Variants in ATP13A2 observed in about 807,000 individuals in gnomAD.
ATP13A2 encodes the protein ATPase cation transporting 13A2.
In ATP13A2, 83 loss-of-function variants were observed where a neutral mutation model predicts 138.3. The ratio of observed to expected loss-of-function variants is 0.60; its 90% CI spans 0.50 to 0.72. ATP13A2 has a LOEUF of 0.72. Ranked by LOEUF, ATP13A2 falls within the 30% of genes least tolerant of loss-of-function variation. The pLI is 0.00. For missense variants in ATP13A2, 1,402 were observed against 1,606.4 expected, an observed-to-expected ratio of 0.87 and a Z score of 2.17; for synonymous variants, 663 against 699.0, an observed-to-expected ratio of 0.95 and a Z score of 0.81.
chr1:16,996,443 T>C lies in ATP13A2; in HGVS notation c.1249A>G (p.Ile417Val), dbSNP rs1393697936. ...CTGTGTTTATAGAACTTGAAGTTGA[T>C]GGGCCGGGGGTGCAAGATGGAGCTC... ...LVSSILHPRP[I>V]NFKFYKHSMK... The change falls in exon 13 of 29, where the codon ATC becomes GTC. Residue 417 changes from isoleucine to valine, a missense_variant. Ile to Val is a conservative substitution (Grantham distance 29). Coordinates refer to ENST00000326735, the MANE Select transcript of ATP13A2 (RefSeq NM_022089.4). 3.1e-6 allele frequency: 5 copies of C among 1,613,978 alleles called. No individual in the cohort carries two copies. Among genetic ancestry groups the C allele is most frequent in the Non-Finnish European group, 4.2e-6 (5 of 1,180,028 alleles).
In ATP13A2 at chr1:16,996,458, A is replaced by G. The variant is rs2077128030; in HGVS notation, c.1234T>C (p.Leu412=). The G allele has an allele frequency of 1.9e-6, 3 of 1,613,968 alleles. No individual in the cohort carries two copies. Among genetic ancestry groups the G allele is most frequent in the Admixed American group, 1.7e-5 (1 of 59,996 alleles). The change falls in exon 13 of 29, where the codon TTG becomes CTG. Residue 412 remains leucine (L), a synonymous_variant. Transcript: ENST00000326735. The stretch of plus-strand genomic sequence containing the variant: ...TTGAAGTTGATGGGCCGGGGGTGCA[A>G]GATGGAGCTCACCAGGCCCCCTTTT... ...TAKGGLVSSI[L]HPRPINFKFY...
rs970274162 is a variant in ATP13A2, at chr1:16,986,039, G to A, written c.*182C>T. The A allele has an allele frequency of 6.1e-6, 9 of 1,472,480 alleles. No individual in the cohort carries two copies. The highest frequency in any genetic ancestry group is 8.1e-6 in the Non-Finnish European group (9 of 1,109,654). The allele number at this position is 1,472,480 out of a possible 1,614,324, so 91.2% of individuals were successfully genotyped here. On this transcript the variant is annotated 3_prime_UTR_variant, in exon 29 of 29. Coordinates refer to ENST00000326735, the MANE Select transcript of ATP13A2 (RefSeq NM_022089.4). The surrounding 1 kb of genome is among the most constrained non-coding windows in gnomAD (Gnocchi z 6.9). ...GGGGGCTGCCACCCCTACGCGGGAT[G>A]GTCCAAGGTAGGGGACAGTAGTCAA...
Position 16,992,471 on chromosome 1 carries a change from C to A in ATP13A2, c.1845+15G>T, listed in dbSNP as rs750975658. 6.2e-7 allele frequency: 1 copy of A among 1,613,926 alleles called. No homozygotes were observed. The highest frequency in any genetic ancestry group is 2.2e-5 in the East Asian group (1 of 44,882). ...ACCCCTCTGCCCTGCACCCAACAGG[C>A]CCCCCTCAGCTCACCATTGCCTGCA... On this transcript the variant is annotated intron_variant, in intron 17 of 28. Transcript: ENST00000326735.
In ATP13A2 at chr1:17,004,227, G is replaced by T; in HGVS notation, c.557+105C>A. ...CTGCCCAAGGTTTCAGACAGCAAAA[G>T]CATCAGAGCTGAGAGGGGAGCCCAG... On this transcript the variant is annotated intron_variant, in intron 6 of 28. Transcript: ENST00000326735. The surrounding 1 kb of genome is among the most constrained non-coding windows in gnomAD (Gnocchi z 4.1). 8.3e-7 allele frequency: 1 copy of T among 1,209,288 alleles called. No homozygotes were observed. Among genetic ancestry groups the T allele is most frequent in the Non-Finnish European group, 1.2e-6 (1 of 835,668 alleles). 74.9% of individuals were successfully genotyped at this position (1,209,288 alleles called of 1,614,324 possible).
chr1:17,000,200 C>G, intron 10 of ATP13A2, 46 bp downstream of exon 10: 3 of 1,577,270 alleles, frequency 1.9e-6, no homozygotes, highest in Non-Finnish European at 8.6e-7. Flanking sequence ...CCATGCCCCC[C>G]CACCCTCCCA....
In ATP13A2 at chr1:16,986,476, G is replaced by GC; in HGVS notation, c.3391dup (p.Ala1131GlyfsTer130). Reference sequence around the variant, plus strand: ...GGCGGGCCCCACCTCCAGCATGAAGGCCCCCACGAAGTTGAGGGTGACCAG... The same window carrying GC: ...GGCGGGCCCCACCTCCAGCATGAAGGCCCCCCACGAAGTTGAGGGTGACCAG... On this transcript the variant is annotated frameshift_variant, in exon 28 of 29. Transcript: ENST00000326735. LOFTEE classifies it high-confidence loss of function. This position sits in a 1 kb window ranked among gnomAD's most constrained non-coding sequence, Gnocchi z 6.9. The GC allele has an allele frequency of 1.2e-6, 2 of 1,612,198 alleles. No individual in the cohort carries two copies. Among genetic ancestry groups the GC allele is most frequent in the Non-Finnish European group, 8.5e-7 (1 of 1,179,850 alleles).
chr1:16,986,502 AC>A lies in ATP13A2; in HGVS notation c.3365del (p.Gly1122ValfsTer17). 6.2e-7 allele frequency: 1 copy of A among 1,612,468 alleles called. No individual in the cohort carries two copies. The highest frequency in any genetic ancestry group is 8.5e-7 in the Non-Finnish European group (1 of 1,179,846). On this transcript the variant is annotated frameshift_variant, in exon 28 of 29. Coordinates refer to ENST00000326735, the MANE Select transcript of ATP13A2 (RefSeq NM_022089.4). LOFTEE classifies it high-confidence loss of function. This position sits in a 1 kb window ranked among gnomAD's most constrained non-coding sequence, Gnocchi z 6.9. ...TDTGFKLLLL[G>X]LVTLNFVGAF... ...CCCCCACGAAGTTGAGGGTGACCAG[AC>A]CCAGCAGCAGCAGCTTGAAGCCGGT...
chr1:17,002,434 C>G, intron 6 of ATP13A2, 61 bp from the exon 7 acceptor site: 1 of 1,565,514 alleles, frequency 6.4e-7, no homozygotes. Flanking sequence ...CATCCCCCAC[C>G]CTGTGCAGGC....
chr1:17,011,635 G>A lies in ATP13A2; in HGVS notation c.10+94C>T. On this transcript the variant is annotated intron_variant, in intron 1 of 28. Coordinates refer to ENST00000326735, the MANE Select transcript of ATP13A2 (RefSeq NM_022089.4). The surrounding 1 kb of genome is among the most constrained non-coding windows in gnomAD (Gnocchi z 7.3). ...TCCTGGGCTCGCGACCCCGCGGTGG[G>A]GGGCGTCGCCTCCCCTCTCCCTCCA... is the stretch of plus-strand genomic sequence containing the variant. The A allele has an allele frequency of 2.9e-6, 4 of 1,389,070 alleles. No individual in the cohort carries two copies. The South Asian group carries it at 5.9e-5, about 21-fold the overall frequency. The allele number at this position is 1,389,070 out of a possible 1,614,324, so 86.0% of individuals were successfully genotyped here.
intron 20 of ATP13A2, among the ~76,000 whole-genome samples, chr1:16,991,323 C>G (rs2076921263): frequency 1.3e-5 from 2 of 151,530 alleles, no homozygotes. Context: ...GGGTTCAAGA[C>G]ATCCTTCTCC....
At chr1:17,003,031 G>A (rs2077418226) in intron 6 of ATP13A2, among the ~76,000 whole-genome samples, 1 of 152,144 alleles carries the variant, frequency 6.6e-6, no homozygotes, top group Admixed American at 6.5e-5. Flanking sequence ...TAATGGCAGG[G>A]AATTTGATGG....
rs753650041 is a variant in ATP13A2, at chr1:17,005,328, G to T, written c.288+46C>A. ...CCAAGCATCCTCCACCCCCGACCCT[G>T]ACCCTCACTGCGCTTCTCTAGCCCC... On this transcript the variant is annotated intron_variant, in intron 3 of 28. Coordinates refer to ENST00000326735, the MANE Select transcript of ATP13A2 (RefSeq NM_022089.4). 2.6e-6 allele frequency: 4 copies of T among 1,559,312 alleles called. No homozygotes were observed. The East Asian group carries it at 7.1e-5, about 28-fold the overall frequency.
chr1:17,011,687 G>A lies in ATP13A2; in HGVS notation c.10+42C>T, dbSNP rs968884901. 6.7e-6 allele frequency: 10 copies of A among 1,482,366 alleles called. No homozygotes were observed. The highest frequency in any genetic ancestry group is 2.3e-5 in the Admixed American group (1 of 43,744). 91.8% of individuals were successfully genotyped at this position (1,482,366 alleles called of 1,614,324 possible). On this transcript the variant is annotated intron_variant, in intron 1 of 28. Coordinates refer to ENST00000326735, the MANE Select transcript of ATP13A2 (RefSeq NM_022089.4). The surrounding 1 kb of genome is among the most constrained non-coding windows in gnomAD (Gnocchi z 7.3). ...GGGGTGACGACAACTGGCGGGCCGG[G>A]GACCGCGCCGGGCTCGGGGCCGACC...
Position 16,989,938 on chromosome 1 carries a change from G to A in ATP13A2, c.2478C>T (p.Ser826=), listed in dbSNP as rs147611385. Residue 826 remains serine, a synonymous_variant, in exon 22 of 29, where the codon AGC becomes AGT. Coordinates refer to ENST00000326735, the MANE Select transcript of ATP13A2 (RefSeq NM_022089.4). ...TCACAATGATACCAAAGGTGGGCCC[G>A]CTGAGGGCCAGGTGCCTGGATCGGG... is the stretch of plus-strand genomic sequence containing the variant. ...PDPRSRHLAL[S]GPTFGIIVKH... The A allele has an allele frequency of 2.5e-5, 40 of 1,601,450 alleles. No individual in the cohort carries two copies. The highest frequency in any genetic ancestry group is 1.7e-4 in the Middle Eastern group (1 of 6,056).
In ATP13A2 at chr1:17,004,336, C is replaced by T. The variant is rs140871595; in HGVS notation, c.553G>A (p.Val185Ile). Residue 185 changes from valine (V) to isoleucine (I), a missense_variant, in exon 6 of 29, where the codon GTC becomes ATC. Transcript: ENST00000326735. This position sits in a 1 kb window ranked among gnomAD's most constrained non-coding sequence, Gnocchi z 4.1. The stretch of plus-strand genomic sequence containing the variant: ...CACACAGGCCCTGACTCCTACCTGA[C>T]CTGGTAGAAGGCTTGCTGGGTCTCG... The part of the protein sequence containing the change: ...WIETQQAFYQ[V>I]SLLDHGRSCD... 72 of 1,613,724 alleles carry T rather than the reference C, an allele frequency of 4.5e-5. No homozygotes were observed. The highest frequency in any genetic ancestry group is 5.8e-5 in the Non-Finnish European group (69 of 1,179,912).
chr1:16,986,355 C>A lies in ATP13A2; in HGVS notation c.3409G>T (p.Val1137Leu). 1 of 1,579,496 alleles carries A rather than the reference C, an allele frequency of 6.3e-7. No homozygotes were observed. The highest frequency in any genetic ancestry group is 8.6e-7 in the Non-Finnish European group (1 of 1,165,282). ...NFVGAFMLESVLDQCLPACLR... is the reference protein window; with the variant it reads ...NFVGAFMLESLLDQCLPACLR... The stretch of plus-strand genomic sequence containing the variant: ...CAGGCGGGGAGGCACTGGTCTAGCA[C>A]GCTCTGCAAAGGGCAGGGAGGGTGT... The change falls in exon 29 of 29, where the codon GTG (valine) becomes TTG (leucine). Residue 1137 changes from valine (V) to leucine (L), a missense_variant. Coordinates refer to ENST00000326735, the MANE Select transcript of ATP13A2 (RefSeq NM_022089.4). The surrounding 1 kb of genome is among the most constrained non-coding windows in gnomAD (Gnocchi z 6.9).
intron 20 of ATP13A2, 72 bp from the exon 21 acceptor site, chr1:16,990,359 T>C (rs1203526775): frequency 1.3e-6 from 2 of 1,581,518 alleles, no homozygotes; most frequent in East Asian, 4.5e-5. Context: ...TCCTTACAGA[T>C]GGGAAAACAG....
chr1:16,989,501 G>T (rs896402691), intron 23 of ATP13A2, among the ~76,000 whole-genome samples, 190 bp downstream of exon 23: 2 of 152,206 alleles, frequency 1.3e-5, no homozygotes, highest in African/African-American at 4.8e-5. Flanking sequence ...ATGAGCCACC[G>T]CACCCAGCCT....
chr1:17,007,142 T>G (rs1164628504), intron 1 of ATP13A2, among the ~76,000 whole-genome samples: 2 of 152,136 alleles, frequency 1.3e-5, no homozygotes, highest in Admixed American at 1.3e-4. Context: ...CCTCCCTGAG[T>G]GCTGGGCTGA....
Sources: allele counts gnomAD v4.1 joint callset (sites outside exome capture counted in the v4.1 genomes callset), GRCh38; gene constraint gnomAD v4.1.1; non-coding constraint Gnocchi (gnomAD v3.1); transcripts MANE v1.5; gene names NCBI Gene and HGNC (gene_info 2026-07-23, HGNC 2026-07-21).